The following LGR6 variants were observed in gnomAD, a reference collection of about 807,000 sequenced individuals.
The protein encoded by LGR6 is leucine-rich repeat-containing G protein-coupled receptor 6.
Under a neutral mutation model 69.4 loss-of-function variants are expected in LGR6, and 45 were observed. The ratio of observed to expected loss-of-function variants is 0.65; its 90% confidence interval spans 0.51 to 0.83. The LOEUF is 0.83. Among genes scored for constraint, LGR6 ranks in the 40% least tolerant of loss-of-function variants. LGR6 has a pLI of 0.00. For synonymous variants in LGR6, 538 were observed against 555.0 expected (o/e 0.97, Z 0.43); for missense variants, 1,108 against 1,246.7 (o/e 0.89, Z 1.68).
At position 202,318,359 on chromosome 1, in the gene LGR6, G is replaced by A. The variant is rs376010617; in HGVS notation, c.2056G>A (p.Val686Ile). ...TGGGAAGTCCCCCTCCCTGGGCAGC[G>A]TTCGAGCAGGGGTCCTAGGCTGCCT... is the stretch of plus-strand genomic sequence containing the variant. ...AYGKSPSLGS[V>I]RAGVLGCLAL... The change falls in exon 18 of 18, where the codon GTT (valine) becomes ATT (isoleucine). Residue 686 changes from valine to isoleucine, a missense_variant. Val to Ile is a conservative substitution (Grantham distance 29). Coordinates refer to ENST00000367278, the MANE Select transcript of LGR6 (RefSeq NM_001017403.2). 2.1e-5 allele frequency: 33 copies of A among 1,600,028 alleles called. No individual in the cohort carries two copies. Among genetic ancestry groups the A allele is most frequent in the Middle Eastern group, 1.7e-4 (1 of 6,006 alleles).
intron 1 of LGR6, among the ~76,000 whole-genome samples, chr1:202,222,541 G>C (rs558838795): frequency 6.6e-6 from 1 of 152,128 alleles, no homozygotes; most frequent in Non-Finnish European, 1.5e-5. Context: ...CGTTCCTGTC[G>C]AGACACATCC....
At chr1:202,240,410 AACAGC>A (rs1197683343) in intron 4 of LGR6, among the ~76,000 whole-genome samples, 2 of 151,224 alleles carry the variant, frequency 1.3e-5, no homozygotes, top group East Asian at 3.9e-4. Flanking sequence ...AGAACGAATG[AACAGC>A]ACAAGGTGAG....
chr1:202,249,864 C>G (rs1321061773), intron 4 of LGR6, among the ~76,000 whole-genome samples: 1 of 152,174 alleles, frequency 6.6e-6, no homozygotes, highest in Non-Finnish European at 1.5e-5. Context: ...TCTGGACTTA[C>G]CCCAGTCTTT....
chr1:202,302,314 G>T (rs1572000117), intron 9 of LGR6, among the ~76,000 whole-genome samples: 2 of 152,272 alleles, frequency 1.3e-5, no homozygotes, highest in East Asian at 3.9e-4. Flanking sequence ...TTTACAGGTG[G>T]AACATGAGGT....
intron 1 of LGR6, among the ~76,000 whole-genome samples, chr1:202,214,641 T>C (rs1234724366): frequency 6.6e-6 from 1 of 152,212 alleles, no homozygotes; most frequent in Non-Finnish European, 1.5e-5. Context: ...CTCCGTTTCT[T>C]CATTTAAAAT....
At chr1:202,288,323 G>C (rs139057360) in intron 6 of LGR6, among the ~76,000 whole-genome samples, 1 of 151,990 alleles carries the variant, frequency 6.6e-6, no homozygotes, top group Admixed American at 6.6e-5. Flanking sequence ...AGCATGCACC[G>C]CAATCTGATA....
chr1:202,211,151 C>T (rs1659449225), intron 1 of LGR6, among the ~76,000 whole-genome samples: 1 of 152,218 alleles, frequency 6.6e-6, no homozygotes, highest in Admixed American at 6.5e-5. Context: ...ATGGCCATGC[C>T]AGCAAATCTC....
chr1:202,318,127 C>A lies in LGR6; in HGVS notation c.1824C>A (p.Asn608Lys). ...KFVVGAIAGA[N>K]TLTGISCGLL... ...TGGTAGGTGCGATTGCAGGCGCCAA[C>A]ACCTTGACTGGCATTTCCTGTGGCC... The change falls in exon 18 of 18, where the codon AAC (asparagine) becomes AAA (lysine). Residue 608 changes from asparagine (N) to lysine (K), a missense_variant. Physicochemically the swap from Asn to Lys is moderately conservative, Grantham distance 94. Coordinates refer to ENST00000367278, the MANE Select transcript of LGR6 (RefSeq NM_001017403.2). 6.2e-7 allele frequency: 1 copy of A among 1,614,180 alleles called. No homozygotes were observed. Among genetic ancestry groups the A allele is most frequent in the Non-Finnish European group, 8.5e-7 (1 of 1,180,032 alleles).
In LGR6 at chr1:202,304,574, A is replaced by G. The variant is rs780265722; in HGVS notation, c.1014A>G (p.Ala338=). Residue 338 remains alanine (A), a synonymous_variant, in exon 11 of 18, where the codon GCA becomes GCG. Coordinates refer to ENST00000367278, the MANE Select transcript of LGR6 (RefSeq NM_001017403.2). ...CTCCCTGCAGGACCCTGACCCGCGC[A>G]GGCATCCGGCTGCTCCCATCGGGGA... ...TSLEILTLTR[A]GIRLLPSGMC... 1.9e-6 allele frequency: 3 copies of G among 1,609,472 alleles called. No individual in the cohort carries two copies. The highest frequency in any genetic ancestry group is 1.3e-5 in the African/African-American group (1 of 74,852).
chr1:202,251,133 T>TAA (rs1471760595), intron 4 of LGR6, among the ~76,000 whole-genome samples: 3 of 152,122 alleles, frequency 2.0e-5, no homozygotes, highest in Non-Finnish European at 2.9e-5. Context: ...GACGGCCTGA[T>TAA]ATAGGCAATG....
In LGR6 at chr1:202,312,018, T is replaced by C. The variant is rs536897723; in HGVS notation, c.1567+1661T>C. Reference sequence around the variant, plus strand: ...ACATTCCCGGATGTCTGCTGTACACTCCCTCAGGGGGCTGGAAGGAAGAAT... The same window carrying C: ...ACATTCCCGGATGTCTGCTGTACACCCCCTCAGGGGGCTGGAAGGAAGAAT... On this transcript the variant is annotated intron_variant, in intron 16 of 17. Coordinates refer to ENST00000367278, the MANE Select transcript of LGR6 (RefSeq NM_001017403.2). Among the ~76,000 whole-genome samples the C allele has an allele frequency of 2.6e-5, 4 of 152,240 alleles. No individual in the cohort carries two copies. The South Asian group carries it at 8.3e-4, about 32-fold the overall frequency.
chr1:202,292,879 GGC>G (rs750299505), intron 6 of LGR6, among the ~76,000 whole-genome samples: 6 of 152,202 alleles, frequency 3.9e-5, no homozygotes, highest in East Asian at 3.8e-4. Context: ...CATGCCTAGT[GGC>G]TATTGTATTG....
chr1:202,222,419 T>G (rs1201837412), intron 1 of LGR6, among the ~76,000 whole-genome samples: 1 of 150,454 alleles, frequency 6.6e-6, no homozygotes, highest in Non-Finnish European at 1.5e-5. Flanking sequence ...AGGGAGTGGG[T>G]GGGGTGGGGG....
chr1:202,290,577 A>G (rs184374544), intron 6 of LGR6, among the ~76,000 whole-genome samples: 5 of 152,298 alleles, frequency 3.3e-5, no homozygotes, highest in African/African-American at 1.2e-4. Flanking sequence ...TTCCTCATCA[A>G]TAAAAAAAAG....
At chr1:202,208,529 G>A (rs937029674) in intron 1 of LGR6, among the ~76,000 whole-genome samples, 3 of 152,016 alleles carry the variant, frequency 2.0e-5, no homozygotes, top group Non-Finnish European at 2.9e-5. Flanking sequence ...CCAGGGGCCG[G>A]GATAGGACAT....
rs187416446 is a variant in LGR6 at position 202,237,485 on chromosome 1, T to C, written c.428+1492T>C. ...GAAAAAAATTAGACTTTCACTGGAC[T>C]TCTTCACACTTTTAAGGTTGTTAAT... On this transcript the variant is annotated intron_variant, in intron 4 of 17. Coordinates refer to ENST00000367278, the MANE Select transcript of LGR6 (RefSeq NM_001017403.2). Among the ~76,000 whole-genome samples, 4 of 152,392 alleles carry C rather than the reference T, an allele frequency of 2.6e-5. No homozygotes were observed. The East Asian group carries it at 7.7e-4, about 29-fold the overall frequency.
intron 6 of LGR6, among the ~76,000 whole-genome samples, chr1:202,287,812 C>T (rs1285804042): frequency 7.2e-5 from 11 of 152,216 alleles, no homozygotes; most frequent in Non-Finnish European, 4.4e-5. Context: ...ACTGCTACCA[C>T]GATGCTCCAA....
At chr1:202,292,291 G>A (rs978141893) in intron 6 of LGR6, among the ~76,000 whole-genome samples, 4 of 152,244 alleles carry the variant, frequency 2.6e-5, no homozygotes, top group Admixed American at 2.0e-4. Flanking sequence ...AGCTAAGAGT[G>A]TGGGCTTCAG....
At chr1:202,306,348 C>A (rs1206535522) in intron 12 of LGR6, among the ~76,000 whole-genome samples, 1 of 152,188 alleles carries the variant, frequency 6.6e-6, no homozygotes, top group African/African-American at 2.4e-5. Flanking sequence ...CTGTACCCTG[C>A]TTCTAGGCAG....
Sources: allele counts gnomAD v4.1 joint callset (sites outside exome capture counted in the v4.1 genomes callset), GRCh38; gene constraint gnomAD v4.1.1; transcripts MANE v1.5; gene names NCBI Gene and HGNC (gene_info 2026-07-23, HGNC 2026-07-21).